RNF20: variants seen among roughly 807,000 people sequenced by gnomAD.
The protein encoded by RNF20 is E3 ubiquitin-protein ligase BRE1A.
RNF20 carries 84 observed loss-of-function variants against 126.2 expected under a neutral mutation model. The ratio of observed to expected loss-of-function variants is 0.67; its 90% CI spans 0.56 to 0.80. The LOEUF (loss-of-function observed/expected upper bound fraction) is 0.80, where lower values mean the gene tolerates loss of function less well. Among genes scored for constraint, RNF20 ranks in the 30% least tolerant of loss-of-function variants. The pLI is 0.00. For synonymous variants in RNF20, 400 were observed against 414.3 expected (o/e 0.97, Z 0.42); for missense variants, 869 against 1,188.2 (o/e 0.73, Z 3.95).
chr9:101,540,164 T>G (rs1371609761), intron 2 of RNF20, 39 bp from the exon 3 acceptor site: 1 of 1,580,898 alleles, frequency 6.3e-7, no homozygotes, highest in South Asian at 1.1e-5. Context: ...ATTTTTCTTA[T>G]TTCTTTGTGG....
intron 10 of RNF20, 90 bp downstream of exon 10, chr9:101,550,875 T>G (rs969115260): frequency 8.7e-7 from 1 of 1,148,212 alleles, no homozygotes; most frequent in Non-Finnish European, 1.3e-6. Context: ...AATCTCTCAT[T>G]CATTCAGCTG....
intron 15 of RNF20, among the ~76,000 whole-genome samples, chr9:101,556,909 T>C (rs1478439985): frequency 1.3e-5 from 2 of 152,164 alleles, no homozygotes; most frequent in African/African-American, 4.8e-5. Flanking sequence ...CTTAACCATA[T>C]GAAAAGATGC....
chr9:101,537,849 A>G (rs1484453999), intron 2 of RNF20, among the ~76,000 whole-genome samples: 1 of 152,232 alleles, frequency 6.6e-6, no homozygotes, highest in Non-Finnish European at 1.5e-5. Flanking sequence ...TGGAGATACC[A>G]AAACACCTTT....
intron 10 of RNF20, among the ~76,000 whole-genome samples, chr9:101,551,460 C>T (rs1827443368): frequency 6.6e-6 from 1 of 151,978 alleles, no homozygotes; most frequent in African/African-American, 2.4e-5. Context: ...TGTTTATATA[C>T]TGTTTTATAG....
intron 14 of RNF20, 127 bp from the exon 15 acceptor site, chr9:101,554,567 T>C (rs902755800): frequency 5.8e-6 from 4 of 684,836 alleles, no homozygotes; most frequent in Non-Finnish European, 9.5e-6. Flanking sequence ...GTATATTATG[T>C]ACCTTGTTCT....
At chr9:101,557,923 G>A (rs754060731) in intron 16 of RNF20, among the ~76,000 whole-genome samples, 4 of 151,942 alleles carry the variant, frequency 2.6e-5, no homozygotes, top group Non-Finnish European at 5.9e-5. Context: ...ATTTCTGGAA[G>A]GCTGCATGAG....
Position 101,560,922 on chromosome 9 carries a change from G to A in RNF20, c.2504G>A (p.Arg835His), listed in dbSNP as rs1265669231. Residue 835 changes from arginine (R) to histidine (H), a missense_variant, in exon 17 of 20, where the codon CGC (arginine) becomes CAC (histidine). Physicochemically the swap from Arg to His is conservative, Grantham distance 29. Around this residue, in one of 8 missense-constraint regions of RNF20, gnomAD observed 150 missense variants for 173.7 expected, o/e 0.86. Coordinates refer to ENST00000389120, the MANE Select transcript of RNF20 (RefSeq NM_019592.7). ...ACCCAAGCCTTAGAGATGAATAAAC[G>A]CAAGGTATGATTGATTAATCTAATG... ...LRTQALEMNKRKAMEAAQLAD... is the reference protein window; with the variant it reads ...LRTQALEMNKHKAMEAAQLAD... 7 of 1,610,800 alleles carry A rather than the reference G, an allele frequency of 4.3e-6. No homozygotes were observed. The highest frequency in any genetic ancestry group is 3.4e-5 in the Admixed American group (2 of 59,280).
chr9:101,553,755 TTAGAGGAC>T (rs1450727821), intron 13 of RNF20, among the ~76,000 whole-genome samples: 1 of 152,214 alleles, frequency 6.6e-6, no homozygotes, highest in Non-Finnish European at 1.5e-5. Context: ...TATAACTTTG[TTAGAGGAC>T]TTTGAAGGGA....
chr9:101,558,986 T>G (rs1827583195), intron 16 of RNF20, among the ~76,000 whole-genome samples: 1 of 152,172 alleles, frequency 6.6e-6, no homozygotes, highest in Non-Finnish European at 1.5e-5. Context: ...AGCCATTGTC[T>G]AGAAGGATTT....
chr9:101,562,525 A>G lies in RNF20; in HGVS notation c.*103A>G, dbSNP rs1827644982. On this transcript the variant is annotated 3_prime_UTR_variant, in exon 20 of 20. Coordinates refer to ENST00000389120, the MANE Select transcript of RNF20 (RefSeq NM_019592.7). ...TTGACTGTCACCTGTAGGACAGTTT[A>G]TCAGTCAACTACCTTTCCTCCAGAC... is the stretch of plus-strand genomic sequence containing the variant. 2 of 1,098,744 alleles carry G rather than the reference A, an allele frequency of 1.8e-6. No homozygotes were observed. Among genetic ancestry groups the G allele is most frequent in the African/African-American group, 3.1e-5 (2 of 63,614 alleles). The allele number at this position is 1,098,744 out of a possible 1,614,324, so 68.1% of individuals were successfully genotyped here. A position where few individuals can be genotyped will look rare whatever the true frequency, so the allele number is the denominator to read the frequency against.
Position 101,552,692 on chromosome 9 carries a change from A to G in RNF20, c.1840A>G (p.Lys614Glu). 6.4e-7 allele frequency: 1 copy of G among 1,574,014 alleles called. No individual in the cohort carries two copies. The highest frequency in any genetic ancestry group is 8.7e-7 in the Non-Finnish European group (1 of 1,143,934). Residue 614 changes from lysine (K) to glutamate (E), a missense_variant, in exon 13 of 20, where the codon AAA becomes GAA. Physicochemically the swap from Lys to Glu is moderately conservative, Grantham distance 56. This residue lies in a region of RNF20 where 231 missense variants were observed against 263.6 expected (regional missense o/e 0.88). Coordinates refer to ENST00000389120, the MANE Select transcript of RNF20 (RefSeq NM_019592.7). ...TTCTGCTAAGGATAAAGAGAAAGGC[A>G]AACATGATGATGGACGGAAAAAGGA... ...RDSAKDKEKG[K>E]HDDGRKKEAE...
chr9:101,542,973 CTGACTTAGACTGAAAAT>C (rs1241957204), intron 5 of RNF20, among the ~76,000 whole-genome samples: 2 of 152,218 alleles, frequency 1.3e-5, no homozygotes, highest in African/African-American at 4.8e-5. Flanking sequence ...GTTCATCCCC[CTGACTTAGACTGAAAAT>C]TGACATTCCT....
chr9:101,559,002 A>G (rs1284182665), intron 16 of RNF20, among the ~76,000 whole-genome samples: 1 of 152,122 alleles, frequency 6.6e-6, no homozygotes, highest in African/African-American at 2.4e-5. Context: ...GATTTTTCCA[A>G]TATTGCTTTC....
In RNF20 at chr9:101,552,129, C is replaced by A. The variant is rs749316134; in HGVS notation, c.1409-12C>A. 6.2e-7 allele frequency: 1 copy of A among 1,613,964 alleles called. No individual in the cohort carries two copies. Among genetic ancestry groups the A allele is most frequent in the Non-Finnish European group, 8.5e-7 (1 of 1,179,974 alleles). ...CACGGTTCCTCATAACATTGTTGTT[C>A]CTGTATTTAAGGCCCTATAAACAGG... On this transcript the variant is annotated splice_polypyrimidine_tract_variant and intron_variant, in intron 11 of 19. Coordinates refer to ENST00000389120, the MANE Select transcript of RNF20 (RefSeq NM_019592.7).
intron 6 of RNF20, among the ~76,000 whole-genome samples, chr9:101,546,156 CTT>C (rs1827344473): frequency 6.6e-6 from 1 of 152,086 alleles, no homozygotes. Flanking sequence ...GTTCAGAGGA[CTT>C]TCAAAGGATT....
chr9:101,557,342 G>T, intron 15 of RNF20, 42 bp from the exon 16 acceptor site: 1 of 1,463,408 alleles, frequency 6.8e-7, no homozygotes, highest in South Asian at 1.2e-5. Context: ...CATTGAAGTT[G>T]GAAGATTCTT....
In RNF20 at chr9:101,540,670, G is replaced by T. The variant is rs761932485; in HGVS notation, c.445+33G>T. 9.3e-6 allele frequency: 15 copies of T among 1,609,950 alleles called. 1 individual carries two copies. In the South Asian group the frequency reaches 1.3e-4, roughly 14 times the overall value. ...TTCGTGATGGATTCTATCACTGCAT[G>T]CTATCTGGGTTTTTAAAGTAGAGCT... On this transcript the variant is annotated intron_variant, in intron 4 of 19. Transcript: ENST00000389120.
rs61760889 is a variant in RNF20 at position 101,544,841 on chromosome 9, T to A, written c.703T>A (p.Leu235Met). The A allele has an allele frequency of 6.2e-7, 1 of 1,613,910 alleles. No homozygotes were observed. Among genetic ancestry groups the A allele is most frequent in the Admixed American group, 1.7e-5 (1 of 60,024 alleles). The part of the protein sequence containing the change: ...LAQENMRLQE[L>M]TDLLQEKHRT... ...ACAGGAGAATATGAGGCTACAGGAA[T>A]TGACAGATCTTCTTCAGGAAAAGCA... Residue 235 changes from leucine to methionine, a missense_variant, in exon 6 of 20, where the codon TTG (leucine) becomes ATG (methionine). Physicochemically the swap from Leu to Met is conservative, Grantham distance 15. Around this residue, in one of 8 missense-constraint regions of RNF20, gnomAD observed 103 missense variants for 94.3 expected, o/e 1.09. Transcript: ENST00000389120.
At chr9:101,535,298 A>C in intron 1 of RNF20, 100 bp from the exon 2 acceptor site, 1 of 757,316 alleles carries the variant, frequency 1.3e-6, no homozygotes, top group Non-Finnish European at 2.1e-6. Flanking sequence ...TCCAGGTTAA[A>C]GGGTTGGCCA....
Sources: allele counts gnomAD v4.1 joint callset (sites outside exome capture counted in the v4.1 genomes callset), GRCh38; gene constraint gnomAD v4.1.1; regional missense constraint gnomAD v4.1.1; transcripts MANE v1.5; gene names NCBI Gene and HGNC (gene_info 2026-07-23, HGNC 2026-07-21).